The following AKAP19 variants were observed in gnomAD, a reference collection of about 807,000 sequenced individuals.
AKAP19 encodes A-kinase anchoring protein 19.
the AKAP19 span, chr2:189,923,983 C>A: frequency 6.2e-7 from 1 of 1,600,300 alleles, no homozygotes; most frequent in South Asian, 1.1e-5. Flanking sequence ...TAGAGATGAA[C>A]AATGTTAAGT....
At chr2:190,202,455 G>A in the AKAP19 span, 1 of 167,012 alleles carries the variant, frequency 6.0e-6, no homozygotes, top group Non-Finnish European at 1.5e-5. Context: ...ATGAATAAAT[G>A]AATAAGAGAG....
chr2:190,032,768 C>G, the AKAP19 span, among the ~76,000 whole-genome samples: 1 of 151,470 alleles, frequency 6.6e-6, no homozygotes, highest in Non-Finnish European at 1.5e-5. Context: ...TTTGAATAAT[C>G]AAATTAGATA....
chr2:190,096,603 C>T, the AKAP19 span, among the ~76,000 whole-genome samples: 1 of 152,218 alleles, frequency 6.6e-6, no homozygotes, highest in East Asian at 1.9e-4. Context: ...TTCATGCTAT[C>T]ATTGACTCTG....
chr2:190,070,278 T>G, the AKAP19 span, among the ~76,000 whole-genome samples: 1 of 152,230 alleles, frequency 6.6e-6, no homozygotes, highest in Non-Finnish European at 1.5e-5. Context: ...TTATATAACA[T>G]CATTACTTAA....
chr2:190,038,232 C>T, the AKAP19 span, among the ~76,000 whole-genome samples: 1 of 152,180 alleles, frequency 6.6e-6, no homozygotes, highest in Non-Finnish European at 1.5e-5. Flanking sequence ...GATGACCATG[C>T]TATTGCCCCT....
At chr2:190,140,547 TG>T in the AKAP19 span, among the ~76,000 whole-genome samples, 1 of 152,222 alleles carries the variant, frequency 6.6e-6, no homozygotes, top group Non-Finnish European at 1.5e-5. Context: ...ATGTGGAAGC[TG>T]CCAAGGCTTG....
the AKAP19 span, among the ~76,000 whole-genome samples, chr2:189,940,685 A>G: frequency 1.3e-5 from 2 of 151,682 alleles, no homozygotes; most frequent in Non-Finnish European, 2.9e-5. Context: ...CATGCCTGTA[A>G]TCCTAGTACT....
chr2:189,945,754 T>C, the AKAP19 span, among the ~76,000 whole-genome samples: 756 of 152,308 alleles, frequency 5.0e-3, 9 homozygotes, highest in African/African-American at 0.017. Flanking sequence ...TATGTTATGT[T>C]ATAGTTATGG....
the AKAP19 span, among the ~76,000 whole-genome samples, chr2:190,000,794 C>T: frequency 6.6e-6 from 1 of 152,092 alleles, no homozygotes; most frequent in Admixed American, 6.5e-5. Flanking sequence ...CTTCTTGTTG[C>T]TTTCAAGACT....
At chr2:189,987,531 G>A in the AKAP19 span, among the ~76,000 whole-genome samples, 1 of 152,188 alleles carries the variant, frequency 6.6e-6, no homozygotes, top group African/African-American at 2.4e-5. Context: ...CCTTAGCAAA[G>A]AAGTGGGCTA....
the AKAP19 span, among the ~76,000 whole-genome samples, chr2:189,949,604 C>A: frequency 6.6e-6 from 1 of 150,454 alleles, no homozygotes; most frequent in East Asian, 1.9e-4. Flanking sequence ...ATAGGTAAAC[C>A]CAATAGTTGT....
the AKAP19 span, among the ~76,000 whole-genome samples, chr2:190,015,135 G>A: frequency 1.3e-5 from 2 of 152,128 alleles, no homozygotes; most frequent in African/African-American, 4.8e-5. Context: ...ACTAGGCAGG[G>A]CCCCAGTGAG....
At chr2:190,173,976 C>T in the AKAP19 span, among the ~76,000 whole-genome samples, 2 of 152,106 alleles carry the variant, frequency 1.3e-5, no homozygotes, top group South Asian at 4.2e-4. Flanking sequence ...TCCTTAGTCA[C>T]CTGCTCTGTC....
the AKAP19 span, among the ~76,000 whole-genome samples, chr2:190,035,162 C>T: frequency 6.6e-6 from 1 of 152,038 alleles, no homozygotes; most frequent in Non-Finnish European, 1.5e-5. Context: ...TGTTCAAGGC[C>T]AGGCACAGTG....
chr2:190,039,006 C>CCT, the AKAP19 span, among the ~76,000 whole-genome samples: 3 of 118,420 alleles, frequency 2.5e-5, no homozygotes, highest in Non-Finnish European at 5.0e-5. Flanking sequence ...TTCTCTTCTT[C>CCT]TTCCTCTTCC....
the AKAP19 span, among the ~76,000 whole-genome samples, chr2:190,134,871 T>C: frequency 6.6e-6 from 1 of 152,052 alleles, no homozygotes; most frequent in Non-Finnish European, 1.5e-5. Context: ...GTGATAAGTA[T>C]CAGTGTGCAT....
At chr2:189,956,615 G>C in the AKAP19 span, among the ~76,000 whole-genome samples, 35 of 152,180 alleles carry the variant, frequency 2.3e-4, no homozygotes, top group South Asian at 6.2e-3. Context: ...GTCTCACTCT[G>C]TTGCCCAGGC....
the AKAP19 span, among the ~76,000 whole-genome samples, chr2:189,987,657 C>A: frequency 6.6e-6 from 1 of 152,146 alleles, no homozygotes; most frequent in Admixed American, 6.5e-5. Context: ...AAAGGAGATG[C>A]CATAAGTAAG....
the AKAP19 span, among the ~76,000 whole-genome samples, chr2:189,995,757 A>C: frequency 6.6e-5 from 10 of 151,254 alleles, no homozygotes; most frequent in Admixed American, 2.6e-4. Flanking sequence ...ATTTTGGTGT[A>C]TTTCAAGGTT....
Sources: gnomAD v4.1 joint callset for allele counts (sites outside exome capture counted in the v4.1 genomes callset) on GRCh38, gnomAD v4.1.1 for gene constraint, MANE v1.5 for transcripts, NCBI Gene and HGNC (gene_info 2026-07-23, HGNC 2026-07-21) for gene names.